DCAF1: variants seen among roughly 807,000 people sequenced by gnomAD.
DCAF1 encodes DDB1 and CUL4 associated factor 1.
Under a neutral mutation model 128.0 loss-of-function variants are expected in DCAF1, and 15 were observed. The ratio of observed to expected loss-of-function variants is 0.12; its 90% CI spans 0.08 to 0.18. DCAF1 has a LOEUF of 0.18. Ranked by LOEUF, DCAF1 falls within the 10% of genes least tolerant of loss-of-function variation. DCAF1 has a pLI of 1.00. For synonymous variants in DCAF1, 610 were observed against 603.0 expected (o/e 1.01, Z -0.17); for missense variants, 988 against 1,649.5 (o/e 0.60, Z 6.95).
intron 5 of DCAF1, among the ~76,000 whole-genome samples, chr3:51,465,350 G>C (rs1031972968): frequency 2.0e-5 from 3 of 152,156 alleles, no homozygotes; most frequent in Admixed American, 1.3e-4. Flanking sequence ...GGTGTATATG[G>C]GAGACACCCA....
chr3:51,441,747 C>T lies in DCAF1; in HGVS notation c.664G>A (p.Ala222Thr), dbSNP rs369884325. Residue 222 changes from alanine (A) to threonine (T), a missense_variant, in exon 8 of 25, where the codon GCT (alanine) becomes ACT (threonine). By Grantham distance (58) the Ala-to-Thr change is moderately conservative. Around this residue, in one of 11 missense-constraint regions of DCAF1, gnomAD observed 210 missense variants for 260.2 expected, o/e 0.81. Coordinates refer to ENST00000684031, the MANE Select transcript of DCAF1 (RefSeq NM_001387579.1). ...EAVDMDYGDM[A>T]VDVVDGDQEE... ...TGGTCTCCATCCACTACATCTACAG[C>T]CATGTCACCATAGTCCATATCCACA... 1.9e-6 allele frequency: 3 copies of T among 1,613,868 alleles called. No homozygotes were observed. The highest frequency in any genetic ancestry group is 2.7e-5 in the African/African-American group (2 of 74,926).
chr3:51,480,455 C>T (rs946805040), intron 3 of DCAF1, among the ~76,000 whole-genome samples: 9 of 151,778 alleles, frequency 5.9e-5, no homozygotes, highest in Admixed American at 6.6e-5. Flanking sequence ...ATAAGCTGGG[C>T]GTGCGTGGTG....
At chr3:51,466,156 T>TA (rs1704106095) in intron 5 of DCAF1, among the ~76,000 whole-genome samples, 1 of 152,110 alleles carries the variant, frequency 6.6e-6, no homozygotes, top group African/African-American at 2.4e-5. Context: ...AAGCCAAGAT[T>TA]GTGCCACTGC....
chr3:51,429,450 T>C lies in DCAF1; in HGVS notation c.1488A>G (p.Leu496=), dbSNP rs1553634999. ...LVNLISTLEI[L]NLEDQGALLS... The stretch of plus-strand genomic sequence containing the variant: ...GAAGTGCACCCTGATCTTCCAAATT[T>C]AGAATCTCCAAAGTACTGATCTATT... Residue 496 remains leucine (L), a synonymous_variant, in exon 12 of 25, where the codon CTA becomes CTG. Coordinates refer to ENST00000684031, the MANE Select transcript of DCAF1 (RefSeq NM_001387579.1). 1 of 780,876 alleles carries C rather than the reference T, an allele frequency of 1.3e-6. No homozygotes were observed. Among genetic ancestry groups the C allele is most frequent in the East Asian group, 2.4e-5 (1 of 41,254 alleles). 48.4% of individuals were successfully genotyped at this position (780,876 alleles called of 1,614,324 possible).
chr3:51,415,965 G>C (rs992822591), intron 18 of DCAF1, among the ~76,000 whole-genome samples: 2 of 152,026 alleles, frequency 1.3e-5, no homozygotes, highest in Non-Finnish European at 2.9e-5. Flanking sequence ...CAAAATCCCA[G>C]GGCCAAGGTC....
At chr3:51,452,711 C>A (rs192861272) in intron 6 of DCAF1, among the ~76,000 whole-genome samples, 27 of 152,174 alleles carry the variant, frequency 1.8e-4, no homozygotes, top group Non-Finnish European at 3.4e-4. Flanking sequence ...CAAAAAGCCC[C>A]GTTAAATCAT....
At chr3:51,440,268 A>C (rs1281024546) in intron 9 of DCAF1, 1 of 408,000 alleles carries the variant, frequency 2.5e-6, no homozygotes, top group Non-Finnish European at 4.8e-6. Flanking sequence ...TGAGCAATAA[A>C]ATGCAGAGAA....
Position 51,443,864 on chromosome 3 carries a change from C to T in DCAF1, c.415G>A (p.Ala139Thr). The change falls in exon 7 of 25, where the codon GCC becomes ACC. Residue 139 changes from alanine (A) to threonine (T), a missense_variant. Physicochemically the swap from Ala to Thr is moderately conservative, Grantham distance 58. Coordinates refer to ENST00000684031, the MANE Select transcript of DCAF1 (RefSeq NM_001387579.1). ...GAATATGTCCTCAATGGTTGATCGG[C>T]CTCTCGGGCCCATTTGAAAAGATTC... Reference protein sequence around the residue: ...VENLFKWAREADQPLRTYSTG... With the variant: ...VENLFKWARETDQPLRTYSTG... 6.2e-7 allele frequency: 1 copy of T among 1,608,642 alleles called. No homozygotes were observed. The highest frequency in any genetic ancestry group is 8.5e-7 in the Non-Finnish European group (1 of 1,178,628).
At chr3:51,498,278 T>C (rs1404108271) in intron 1 of DCAF1, among the ~76,000 whole-genome samples, 1 of 149,160 alleles carries the variant, frequency 6.7e-6, no homozygotes, top group Non-Finnish European at 1.5e-5. Context: ...GAGAATCACT[T>C]GAACCTGGGA....
At chr3:51,422,864 G>A (rs1699534227) in intron 13 of DCAF1, among the ~76,000 whole-genome samples, 1 of 151,938 alleles carries the variant, frequency 6.6e-6, no homozygotes, top group Non-Finnish European at 1.5e-5. Flanking sequence ...AGGAGTTTGA[G>A]ACCAGAATGG....
chr3:51,496,684 T>A (rs1708269491), intron 2 of DCAF1, among the ~76,000 whole-genome samples, 50 bp downstream of exon 2: 1 of 152,034 alleles, frequency 6.6e-6, no homozygotes, highest in African/African-American at 2.4e-5. Context: ...CAGCTAGTAC[T>A]AGGTAGAAAA....
At chr3:51,430,801 A>T (rs1700301771) in intron 10 of DCAF1, among the ~76,000 whole-genome samples, 1 of 152,238 alleles carries the variant, frequency 6.6e-6, no homozygotes, top group Non-Finnish European at 1.5e-5. Flanking sequence ...ACAAATTAAA[A>T]CTGATATTAT....
intron 3 of DCAF1, among the ~76,000 whole-genome samples, chr3:51,476,361 A>G (rs1705443218): frequency 6.6e-6 from 1 of 151,966 alleles, no homozygotes; most frequent in African/African-American, 2.4e-5. Flanking sequence ...ACTGCACTCC[A>G]GCCTGGGTGC....
intron 6 of DCAF1, 112 bp from the exon 7 acceptor site, chr3:51,444,015 A>G: frequency 9.6e-7 from 1 of 1,042,480 alleles, no homozygotes; most frequent in Non-Finnish European, 1.3e-6. Context: ...AATGTTCGTA[A>G]GAGTAAAAAA....
intron 3 of DCAF1, among the ~76,000 whole-genome samples, chr3:51,473,005 A>G (rs1704939845): frequency 6.6e-6 from 1 of 150,448 alleles, no homozygotes; most frequent in Non-Finnish European, 1.5e-5. Context: ...GGCTGGGCAC[A>G]GTGGCTCATG....
chr3:51,414,606 C>A lies in DCAF1; in HGVS notation c.3837+18G>T. The A allele has an allele frequency of 6.2e-7, 1 of 1,606,532 alleles. No homozygotes were observed. Among genetic ancestry groups the A allele is most frequent in the Non-Finnish European group, 8.5e-7 (1 of 1,173,894 alleles). ...ACCAGACAACAAATGGAAGGTAAGA[C>A]ATGAGTATAAAGGATACAATCTCAG... is the stretch of plus-strand genomic sequence containing the variant. On this transcript the variant is annotated intron_variant, in intron 19 of 24. Coordinates refer to ENST00000684031, the MANE Select transcript of DCAF1 (RefSeq NM_001387579.1).
chr3:51,439,493 G>A (rs1182418235), intron 9 of DCAF1, among the ~76,000 whole-genome samples: 6 of 143,104 alleles, frequency 4.2e-5, no homozygotes, highest in Non-Finnish European at 6.0e-5. Flanking sequence ...CCAGGCTGGA[G>A]TACAATGGCA....
intron 23 of DCAF1, 41 bp from the exon 24 acceptor site, chr3:51,403,436 G>T (rs1370430639): frequency 1.3e-6 from 2 of 1,546,166 alleles, no homozygotes; most frequent in Non-Finnish European, 8.7e-7. Flanking sequence ...AAACACAGAG[G>T]CCTGACCCAT....
Position 51,433,150 on chromosome 3 carries a change from T to C in DCAF1, c.1243A>G (p.Met415Val), listed in dbSNP as rs1700532975. 1 of 398,538 alleles carries C rather than the reference T, an allele frequency of 2.5e-6. No individual in the cohort carries two copies. 24.7% of individuals were successfully genotyped at this position (398,538 alleles called of 1,614,324 possible). ...RPSMAATGVSMCLYYLSYNQD... is the reference protein window; with the variant it reads ...RPSMAATGVSVCLYYLSYNQD... ...TTGTAGGATAGGTAATACAAACACA[T>C]AGACACACCGGTTGCAGCCATAGAA... is the stretch of plus-strand genomic sequence containing the variant. The change falls in exon 10 of 25, where the codon ATG becomes GTG. Residue 415 changes from methionine to valine, a missense_variant. Met to Val is a conservative substitution (Grantham distance 21). Around this residue, in one of 11 missense-constraint regions of DCAF1, gnomAD observed 185 missense variants for 248.1 expected, o/e 0.75. Transcript: ENST00000684031.
Sources: gnomAD v4.1 joint callset for allele counts (sites outside exome capture counted in the v4.1 genomes callset) on GRCh38, gnomAD v4.1.1 for gene constraint, gnomAD v4.1.1 regional missense constraint, MANE v1.5 for transcripts, NCBI Gene and HGNC (gene_info 2026-07-23, HGNC 2026-07-21) for gene names.